The following BLK variants were observed in gnomAD, a reference collection of about 807,000 sequenced individuals.
BLK encodes BLK proto-oncogene, Src family tyrosine kinase.
A neutral mutation model predicts 61.8 loss-of-function variants in BLK; 64 were observed. The ratio of observed to expected loss-of-function variants is 1.03; its 90% confidence interval spans 0.85 to 1.27. The LOEUF is 1.27. Ranked by LOEUF, BLK falls within the 50% of genes most tolerant of loss-of-function variation. The probability of loss-of-function intolerance (pLI) is 0.00; values close to 1 mark genes in which losing one functional copy is unlikely to be tolerated. For missense variants in BLK, 853 were observed against 660.5 expected (o/e 1.29, Z -3.19); for synonymous variants, 351 against 272.0 (o/e 1.29, Z -2.86).
chr8:11,528,042 T>A (rs916671931), intron 1 of BLK, among the ~76,000 whole-genome samples: 2 of 152,148 alleles, frequency 1.3e-5, no homozygotes, highest in Non-Finnish European at 2.9e-5. Context: ...ATTATCATCC[T>A]TGCTTTTTCT....
chr8:11,515,346 G>A (rs1799182331), intron 1 of BLK, among the ~76,000 whole-genome samples: 1 of 151,824 alleles, frequency 6.6e-6, no homozygotes, highest in Non-Finnish European at 1.5e-5. Flanking sequence ...AGGTCTGGAA[G>A]CCGGCCTCCT....
intron 1 of BLK, among the ~76,000 whole-genome samples, chr8:11,540,809 C>G (rs570440182): frequency 8.0e-4 from 122 of 151,638 alleles, no homozygotes; most frequent in African/African-American, 2.6e-3. Context: ...TCTATTTAGC[C>G]TGTGAGGAAC....
chr8:11,544,701 G>T (rs1167011258), intron 2 of BLK, among the ~76,000 whole-genome samples: 3 of 152,174 alleles, frequency 2.0e-5, no homozygotes, highest in Non-Finnish European at 4.4e-5. Context: ...AGAGTCACCA[G>T]AGTTGCCTCG....
intron 12 of BLK, among the ~76,000 whole-genome samples, chr8:11,563,392 G>T (rs990653436): frequency 6.6e-6 from 1 of 152,196 alleles, no homozygotes; most frequent in Non-Finnish European, 1.5e-5. Flanking sequence ...ACTCCCAGTG[G>T]CTTGTTCTCA....
chr8:11,543,679 C>A (rs551545261), intron 2 of BLK, among the ~76,000 whole-genome samples: 6 of 152,154 alleles, frequency 3.9e-5, no homozygotes, highest in African/African-American at 1.4e-4. Flanking sequence ...TCCTGGAGAC[C>A]CTTGTCCCCT....
intron 1 of BLK, among the ~76,000 whole-genome samples, chr8:11,500,476 A>C (rs114257458): frequency 6.6e-6 from 1 of 152,072 alleles, no homozygotes; most frequent in African/African-American, 2.4e-5. Flanking sequence ...GATTACAAGC[A>C]TAAACCACTG....
rs566844613 is a variant in BLK at position 11,523,838 on chromosome 8, TG to T, written c.-1-19385del. ...TTTTCACTGAGCAGATTGACAGAGTTGTTTTTTTTTTTTTTAATTTGTTATA... is the reference window on the plus strand; with the variant it reads ...TTTTCACTGAGCAGATTGACAGAGTTTTTTTTTTTTTTTTAATTTGTTATA... On this transcript the variant is annotated intron_variant, in intron 1 of 12. Coordinates refer to ENST00000259089, the MANE Select transcript of BLK (RefSeq NM_001715.3). Among the ~76,000 whole-genome samples, 7 of 59,222 alleles carry T rather than the reference TG, an allele frequency of 1.2e-4. No homozygotes were observed. The East Asian group carries it at 3.5e-3, about 30-fold the overall frequency. The allele number at this position is 59,222 out of a possible 152,430, so 38.9% of individuals were successfully genotyped here.
chr8:11,518,144 T>G (rs997563714), intron 1 of BLK, among the ~76,000 whole-genome samples: 1 of 152,108 alleles, frequency 6.6e-6, no homozygotes, highest in Non-Finnish European at 1.5e-5. Flanking sequence ...GAGAGCCCAG[T>G]TCTCCTGGGC....
chr8:11,545,481 G>A (rs1421407150), intron 2 of BLK, among the ~76,000 whole-genome samples: 2 of 152,032 alleles, frequency 1.3e-5, no homozygotes, highest in Non-Finnish European at 2.9e-5. Flanking sequence ...CTGAGGAGGC[G>A]GAGGTTGCAG....
chr8:11,561,244 G>C, intron 10 of BLK, 58 bp from the exon 11 acceptor site: 10 of 1,582,578 alleles, frequency 6.3e-6, no homozygotes, highest in Non-Finnish European at 8.6e-6. Flanking sequence ...CACAGTGTGG[G>C]CTCGGTCTTG....
chr8:11,543,124 T>C (rs1045181006), intron 1 of BLK, 100 bp from the exon 2 acceptor site: 16 of 1,592,776 alleles, frequency 1.0e-5, no homozygotes, highest in Middle Eastern at 3.7e-4. Context: ...CCACCCCACC[T>C]TTCTAACCAG....
At chr8:11,553,277 A>C (rs1045585829) in intron 6 of BLK, 1 of 307,608 alleles carries the variant, frequency 3.3e-6, no homozygotes. Context: ...AGGATAGACT[A>C]GTTTCACAGC....
Position 11,555,723 on chromosome 8 carries a change from C to G in BLK, c.772+239C>G, listed in dbSNP as rs544403485. 156 of 629,378 alleles carry G rather than the reference C, an allele frequency of 2.5e-4. 1 individual carries two copies. The Admixed American group carries it at 3.7e-3, about 15-fold the overall frequency. The allele number at this position is 629,378 out of a possible 1,614,324, so 39.0% of individuals were successfully genotyped here. A position where few individuals can be genotyped will look rare whatever the true frequency, so the allele number is the denominator to read the frequency against. On this transcript the variant is annotated intron_variant, in intron 8 of 12. Transcript: ENST00000259089. Reference sequence around the variant, plus strand: ...AGGAACAGAATCCAGCTCACCCAGCCCCGAAGTCGCTCCCTCCTTCGTTCT... The same window carrying G: ...AGGAACAGAATCCAGCTCACCCAGCGCCGAAGTCGCTCCCTCCTTCGTTCT...
intron 1 of BLK, chr8:11,509,084 C>T (rs528587279): frequency 6.6e-6 from 1 of 152,346 alleles, no homozygotes; most frequent in South Asian, 2.1e-4. Context: ...GACTCAGGTG[C>T]TGACCATAAC....
intron 1 of BLK, among the ~76,000 whole-genome samples, chr8:11,534,504 C>T (rs73541732): frequency 0.011 from 1,713 of 152,210 alleles, 32 homozygotes; most frequent in African/African-American, 0.039. Context: ...GTAGGTGACT[C>T]GATAAACAAG....
chr8:11,515,064 C>T (rs1419730217), intron 1 of BLK, among the ~76,000 whole-genome samples: 3 of 152,304 alleles, frequency 2.0e-5, no homozygotes, highest in East Asian at 3.9e-4. Flanking sequence ...AGTCTCTCCA[C>T]ACAGGCCAGC....
intron 1 of BLK, among the ~76,000 whole-genome samples, chr8:11,504,364 GAAGAAAGAAAAGAAAAGAA>G (rs1350435078): frequency 2.0e-3 from 61 of 30,476 alleles, no homozygotes; most frequent in Non-Finnish European, 4.9e-3. Context: ...AGGAAGGAAG[GAAGAAAGAAAAGAAAAGAA>G]AAGAAAAGAA....
At chr8:11,551,262 C>G (rs1000630856) in intron 6 of BLK, among the ~76,000 whole-genome samples, 4 of 152,218 alleles carry the variant, frequency 2.6e-5, no homozygotes, top group Admixed American at 2.0e-4. Flanking sequence ...CTTATTATCT[C>G]ACAGCTCTGG....
In BLK at chr8:11,510,802, TAA is replaced by T. The variant is rs1798970871; in HGVS notation, c.-2+16213_-2+16214del. Among the ~76,000 whole-genome samples the T allele has an allele frequency of 2.8e-5, 4 of 144,520 alleles. No individual in the cohort carries two copies. In the South Asian group the frequency reaches 8.4e-4, roughly 31 times the overall value. The allele number at this position is 144,520 out of a possible 152,430, so 94.8% of individuals were successfully genotyped here. On this transcript the variant is annotated intron_variant, in intron 1 of 12. Transcript: ENST00000259089. Reference sequence around the variant, plus strand: ...ATAAATAAATAAATAAATAAATAAATAAATAAATAAATAAATACATAAATAAA... The same window carrying T: ...ATAAATAAATAAATAAATAAATAAATATAAATAAATAAATACATAAATAAA...
Sources: gnomAD v4.1 joint callset for allele counts (sites outside exome capture counted in the v4.1 genomes callset) on GRCh38, gnomAD v4.1.1 for gene constraint, MANE v1.5 for transcripts, NCBI Gene and HGNC (gene_info 2026-07-23, HGNC 2026-07-21) for gene names.